Variants in MAGI2 observed in about 807,000 individuals in gnomAD.
The protein encoded by MAGI2 is membrane associated guanylate kinase, WW and PDZ domain containing 2.
A neutral mutation model predicts 133.3 loss-of-function variants in MAGI2; 35 were observed. That is an observed-to-expected ratio of 0.26 (90% CI 0.20 to 0.35). The LOEUF (loss-of-function observed/expected upper bound fraction) is 0.35. Among genes scored for constraint, MAGI2 ranks in the 10% least tolerant of loss-of-function variants. The pLI, the probability that MAGI2 is intolerant of heterozygous loss-of-function variation, is 1.00. For missense variants in MAGI2, 1,636 were observed against 1,863.4 expected (o/e 0.88, Z 2.25); for synonymous variants, 729 against 710.6 (o/e 1.03, Z -0.41).
intron 2 of MAGI2, among the ~76,000 whole-genome samples, chr7:78,653,607 G>T (rs1161518043): frequency 6.6e-6 from 1 of 151,926 alleles, no homozygotes; most frequent in African/African-American, 2.4e-5. Context: ...ACACAGGGAG[G>T]GGGACATCAC....
At chr7:79,186,724 C>G (rs1233581211) in intron 1 of MAGI2, among the ~76,000 whole-genome samples, 1 of 135,224 alleles carries the variant, frequency 7.4e-6, no homozygotes, top group African/African-American at 2.9e-5. Context: ...TATATTTATA[C>G]AAAAGTATAT....
At chr7:79,028,148 G>A (rs1810086767) in intron 1 of MAGI2, among the ~76,000 whole-genome samples, 2 of 148,738 alleles carry the variant, frequency 1.3e-5, no homozygotes, top group Non-Finnish European at 3.0e-5. Flanking sequence ...GGATGCGGAG[G>A]TTGCAGTGAA....
At chr7:78,911,519 C>T (rs930232769) in intron 2 of MAGI2, among the ~76,000 whole-genome samples, 58 of 152,190 alleles carry the variant, frequency 3.8e-4, no homozygotes, top group African/African-American at 1.2e-3. Flanking sequence ...GGAAATTGTC[C>T]CTCACCAGAC....
chr7:79,099,448 A>G (rs1448840188), intron 1 of MAGI2, among the ~76,000 whole-genome samples: 1 of 152,152 alleles, frequency 6.6e-6, no homozygotes, highest in Non-Finnish European at 1.5e-5. Context: ...TTCAAATTTT[A>G]TTGTTATTAC....
chr7:78,996,626 G>A (rs575121587), intron 2 of MAGI2, among the ~76,000 whole-genome samples: 31 of 152,250 alleles, frequency 2.0e-4, no homozygotes, highest in Non-Finnish European at 4.3e-4. Flanking sequence ...GTTTACTTAT[G>A]TAACAAAACG....
chr7:79,237,009 C>T (rs1327662402), intron 1 of MAGI2, among the ~76,000 whole-genome samples: 4 of 152,122 alleles, frequency 2.6e-5, no homozygotes, highest in Non-Finnish European at 4.4e-5. Context: ...TGTGCCACTG[C>T]ACTCCAGCCT....
intron 7 of MAGI2, among the ~76,000 whole-genome samples, chr7:78,363,152 A>C (rs1793002574): frequency 6.6e-6 from 1 of 152,224 alleles, no homozygotes; most frequent in African/African-American, 2.4e-5. Flanking sequence ...GAATGACTGA[A>C]GGCTCAACGC....
At chr7:78,347,244 A>C (rs1791014878) in intron 7 of MAGI2, 2 of 152,358 alleles carry the variant, frequency 1.3e-5, no homozygotes, top group Non-Finnish European at 1.5e-5. Context: ...TCAGAAAGGA[A>C]AGGAGACAGA....
intron 13 of MAGI2, among the ~76,000 whole-genome samples, chr7:78,179,575 G>A (rs1826989323): frequency 6.6e-6 from 1 of 152,168 alleles, no homozygotes; most frequent in Admixed American, 6.6e-5. Context: ...AGGCGCTTAA[G>A]TACATATGTT....
chr7:78,750,197 C>A (rs1456919207), intron 2 of MAGI2, among the ~76,000 whole-genome samples: 2 of 152,140 alleles, frequency 1.3e-5, no homozygotes, highest in African/African-American at 4.8e-5. Flanking sequence ...TATGTCCTGG[C>A]AGAAGATATG....
intron 1 of MAGI2, among the ~76,000 whole-genome samples, chr7:79,237,852 G>A (rs995336785): frequency 2.6e-5 from 4 of 152,156 alleles, no homozygotes; most frequent in African/African-American, 9.6e-5. Flanking sequence ...TAAGTGAAAT[G>A]TCTTTGTACA....
intron 2 of MAGI2, among the ~76,000 whole-genome samples, chr7:78,894,073 T>C (rs1457298252): frequency 2.0e-5 from 3 of 152,158 alleles, no homozygotes; most frequent in African/African-American, 7.2e-5. Flanking sequence ...TTCAACAAGT[T>C]GTAGGAAAAG....
intron 11 of MAGI2, among the ~76,000 whole-genome samples, chr7:78,196,108 C>G (rs1281006364): frequency 1.3e-5 from 2 of 152,180 alleles, no homozygotes; most frequent in Non-Finnish European, 2.9e-5. Context: ...GAGGACCCAC[C>G]CAGTTCTCTT....
intron 2 of MAGI2, among the ~76,000 whole-genome samples, chr7:78,851,347 C>A (rs1480016746): frequency 6.6e-6 from 1 of 151,986 alleles, no homozygotes; most frequent in East Asian, 1.9e-4. Context: ...AGCACATGCC[C>A]CTCCTGGAGT....
At chr7:79,315,972 A>G (rs62458966) in intron 1 of MAGI2, among the ~76,000 whole-genome samples, 24,617 of 152,096 alleles carry the variant, frequency 0.16, 2,266 homozygotes, top group East Asian at 0.35. Flanking sequence ...AAATAGTTAC[A>G]TGGCCCTGGG....
intron 20 of MAGI2, among the ~76,000 whole-genome samples, chr7:78,083,387 G>GGGGA (rs1816229903): frequency 1.2e-4 from 4 of 33,310 alleles, no homozygotes; most frequent in East Asian, 1.3e-3. Context: ...AGGGAGGGGG[G>GGGGA]GAGAGAGAGA....
intron 3 of MAGI2, among the ~76,000 whole-genome samples, chr7:78,610,316 T>C (rs1806302235): frequency 6.6e-6 from 1 of 152,200 alleles, no homozygotes; most frequent in Non-Finnish European, 1.5e-5. Context: ...ACTTGGTTTC[T>C]AGAGGCTGAG....
chr7:78,592,469 G>A (rs1412214209), intron 3 of MAGI2, among the ~76,000 whole-genome samples: 2 of 152,032 alleles, frequency 1.3e-5, no homozygotes, highest in Non-Finnish European at 2.9e-5. Flanking sequence ...ATTAGAGCAA[G>A]GGGATAGAAG....
intron 2 of MAGI2, among the ~76,000 whole-genome samples, chr7:78,744,982 C>T (rs557315503): frequency 6.6e-6 from 1 of 152,246 alleles, no homozygotes; most frequent in East Asian, 1.9e-4. Context: ...ACCAGGATGG[C>T]TCTGGTGCCT....
Sources: gnomAD v4.1 joint callset for allele counts (sites outside exome capture counted in the v4.1 genomes callset) on GRCh38, gnomAD v4.1.1 for gene constraint, MANE v1.5 for transcripts, NCBI Gene and HGNC (gene_info 2026-07-23, HGNC 2026-07-21) for gene names.